CSNK1G3: variants seen among roughly 807,000 people sequenced by gnomAD.
The protein encoded by CSNK1G3 is casein kinase 1 gamma 3, also known as casein kinase I isoform gamma-3.
In CSNK1G3, 23 loss-of-function variants were observed where a neutral mutation model predicts 64.3. The ratio of observed to expected loss-of-function variants is 0.36; its 90% confidence interval spans 0.26 to 0.51. The LOEUF (loss-of-function observed/expected upper bound fraction) is 0.51. Ranked by LOEUF, CSNK1G3 falls within the 20% of genes least tolerant of loss-of-function variation. The pLI is 0.96. For synonymous variants in CSNK1G3, 158 were observed against 162.2 expected, an observed-to-expected ratio of 0.97 and a Z score of 0.20; for missense variants, 357 against 510.5, an observed-to-expected ratio of 0.70 and a Z score of 2.90.
chr5:123,534,643 G>A (rs959029506), intron 1 of CSNK1G3, among the ~76,000 whole-genome samples: 1 of 152,110 alleles, frequency 6.6e-6, no homozygotes, highest in Admixed American at 6.6e-5. Context: ...GGGGCTCTCA[G>A]TTATACACTG....
In CSNK1G3 at chr5:123,542,423, T is replaced by G. The variant is rs181039771; in HGVS notation, c.-247-2994T>G. The stretch of plus-strand genomic sequence containing the variant: ...TAAAGGAAATTAATACTCATGCATT[T>G]CCTAGTTTCATTGCTCTTGATTTCT... On this transcript the variant is annotated intron_variant, in intron 1 of 12. Transcript: ENST00000345990. Among the ~76,000 whole-genome samples the G allele has an allele frequency of 4.6e-5, 7 of 152,340 alleles. No homozygotes were observed. In the East Asian group the frequency reaches 1.3e-3, roughly 29 times the overall value.
chr5:123,570,349 T>TC (rs1275891684), intron 4 of CSNK1G3, among the ~76,000 whole-genome samples: 1 of 149,302 alleles, frequency 6.7e-6, no homozygotes, highest in Admixed American at 6.6e-5. Flanking sequence ...GTCCTTTCTT[T>TC]TTTTTTTTTT....
chr5:123,595,236 G>A, intron 10 of CSNK1G3, 102 bp downstream of exon 11: 2 of 1,038,602 alleles, frequency 1.9e-6, no homozygotes, highest in African/African-American at 1.6e-5. Context: ...TGGAAAATTT[G>A]TTGCTGAACT....
At chr5:123,572,395 G>C (rs1036604449) in intron 4 of CSNK1G3, among the ~76,000 whole-genome samples, 1 of 152,034 alleles carries the variant, frequency 6.6e-6, no homozygotes, top group Non-Finnish European at 1.5e-5. Context: ...CTTCATATTT[G>C]GAGTTTGTAT....
Position 123,588,407 on chromosome 5 carries a change from A to ATTTTT in CSNK1G3, c.760-14_760-10dup, listed in dbSNP as rs373005811. ...ATTTTTAAATTACCACATTCTCAAGATTTTTTTTTTCTGTTTTAGGCTGAC... is the reference window on the plus strand; with the variant it reads ...ATTTTTAAATTACCACATTCTCAAGATTTTTTTTTTTTTTTCTGTTTTAGGCTGAC... On this transcript the variant is annotated intron_variant, in intron 7 of 12. Coordinates refer to ENST00000345990, the Ensembl canonical transcript of CSNK1G3. 1 of 1,506,682 alleles carries ATTTTT rather than the reference A, an allele frequency of 6.6e-7. No individual in the cohort carries two copies. The highest frequency in any genetic ancestry group is 2.3e-5 in the East Asian group (1 of 42,930). 93.3% of individuals were successfully genotyped at this position (1,506,682 alleles called of 1,614,324 possible).
intron 12 of CSNK1G3, among the ~76,000 whole-genome samples, chr5:123,607,126 C>T (rs962517718): frequency 3.3e-5 from 5 of 151,956 alleles, no homozygotes; most frequent in African/African-American, 1.2e-4. Flanking sequence ...AAGGCTATTG[C>T]TATAGGAAGG....
At chr5:123,589,369 T>C (rs1791926972) in intron 8 of CSNK1G3, among the ~76,000 whole-genome samples, 1 of 152,178 alleles carries the variant, frequency 6.6e-6, no homozygotes, top group Non-Finnish European at 1.5e-5. Flanking sequence ...TGTCGGTTAA[T>C]AGTACTAGCA....
chr5:123,581,451 T>A (rs1790265055), intron 6 of CSNK1G3, among the ~76,000 whole-genome samples: 1 of 150,694 alleles, frequency 6.6e-6, no homozygotes, highest in Admixed American at 6.6e-5. Flanking sequence ...AACACTTTGC[T>A]TTTCTCTACC....
At chr5:123,611,796 T>G (rs1796381001) in intron 12 of CSNK1G3, among the ~76,000 whole-genome samples, 1 of 152,214 alleles carries the variant, frequency 6.6e-6, no homozygotes, top group South Asian at 2.1e-4. Context: ...GGCCATATTC[T>G]TAAATTTAAT....
At chr5:123,609,277 A>T (rs550013231) in intron 12 of CSNK1G3, among the ~76,000 whole-genome samples, 2 of 152,254 alleles carry the variant, frequency 1.3e-5, no homozygotes, top group East Asian at 3.9e-4. Context: ...TCCTTAGGAA[A>T]ATTAATTTGG....
chr5:123,568,150 T>C (rs1254483884), intron 4 of CSNK1G3, among the ~76,000 whole-genome samples: 1 of 152,146 alleles, frequency 6.6e-6, no homozygotes, highest in East Asian at 1.9e-4. Context: ...ATTGGATCCT[T>C]TCTGTTGATC....
At chr5:123,584,907 T>G (rs1791021731) in intron 6 of CSNK1G3, among the ~76,000 whole-genome samples, 1 of 152,208 alleles carries the variant, frequency 6.6e-6, no homozygotes, top group Non-Finnish European at 1.5e-5. Context: ...CTGTGGGATC[T>G]GTTCTGATGC....
At chr5:123,526,729 G>T (rs964866898) in intron 1 of CSNK1G3, among the ~76,000 whole-genome samples, 3 of 151,960 alleles carry the variant, frequency 2.0e-5, no homozygotes, top group African/African-American at 7.3e-5. Flanking sequence ...CATCTATATT[G>T]TAGCGAGTGT....
intron 7 of CSNK1G3, 70 bp from the exon 8 acceptor site, chr5:123,588,355 GCT>G (rs1791704308): frequency 1.6e-6 from 2 of 1,266,544 alleles, no homozygotes; most frequent in Admixed American, 3.4e-5. Flanking sequence ...GTGATTACAG[GCT>G]ACCGTGTGCA....
intron 1 of CSNK1G3, among the ~76,000 whole-genome samples, chr5:123,523,004 TATAAG>T (rs1778396239): frequency 6.6e-6 from 1 of 152,190 alleles, no homozygotes; most frequent in African/African-American, 2.4e-5. Flanking sequence ...TATTATAAAT[TATAAG>T]AGGGGAAGAA....
intron 10 of CSNK1G3, 130 bp downstream of exon 11, chr5:123,595,264 A>T: frequency 1.2e-6 from 1 of 800,792 alleles, no homozygotes; most frequent in Non-Finnish European, 1.9e-6. Flanking sequence ...CCATAATTCT[A>T]TTCCTTTGTT....
At chr5:123,513,940 C>T (rs1776686216) in intron 1 of CSNK1G3, among the ~76,000 whole-genome samples, 2 of 152,040 alleles carry the variant, frequency 1.3e-5, no homozygotes, top group Admixed American at 6.5e-5. Flanking sequence ...ACAAACTTTG[C>T]TCCAGTTGTA....
intron 11 of CSNK1G3, among the ~76,000 whole-genome samples, chr5:123,605,123 T>G (rs2151161511): frequency 6.6e-6 from 1 of 152,254 alleles, no homozygotes; most frequent in Middle Eastern, 3.4e-3. Context: ...AAGTTATTGA[T>G]GTACTATCAA....
chr5:123,557,424 A>G (rs1401170171), intron 3 of CSNK1G3, 71 bp from the exon 4 acceptor site: 6 of 1,167,456 alleles, frequency 5.1e-6, no homozygotes, highest in Non-Finnish European at 7.5e-6. Flanking sequence ...ACCAAAATTT[A>G]TAACATTTGT....
Sources: allele counts gnomAD v4.1 joint callset (sites outside exome capture counted in the v4.1 genomes callset), GRCh38; gene constraint gnomAD v4.1.1; transcripts MANE v1.5; gene names NCBI Gene and HGNC (gene_info 2026-07-23, HGNC 2026-07-21).